Variants in TRPM5 observed in about 807,000 individuals in gnomAD.
TRPM5 encodes the protein MLSN1 and TRP-related.
A neutral mutation model predicts 124.9 loss-of-function variants in TRPM5; 121 were observed. The observed-to-expected ratio is 0.97, with a 90% CI of 0.84 to 1.13. TRPM5 has a LOEUF of 1.13. TRPM5 is among the 50% of genes most tolerant of loss of function. The pLI, the probability that TRPM5 is intolerant of heterozygous loss-of-function variation, is 0.00. For synonymous variants in TRPM5, 781 were observed against 700.5 expected, an observed-to-expected ratio of 1.11 and a Z score of -1.81; for missense variants, 1,643 against 1,589.1, an observed-to-expected ratio of 1.03 and a Z score of -0.58.
exon 19 of TRPM5, chr11:2,407,872 C>T (rs376944357): frequency 2.4e-5 from 39 of 1,613,820 alleles, no homozygotes; most frequent in Non-Finnish European, 3.1e-5. Flanking sequence ...ATGGTGAGTC[C>T]TCCAGCAGCA....
At chr11:2,426,071 C>T (rs1326774412), upstream of TRPM5, among the ~76,000 whole-genome samples, 3 of 152,298 alleles carry the variant, frequency 2.0e-5, no homozygotes, top group African/African-American at 7.2e-5. Context: ...CAGTGCCTCC[C>T]TGACTCTATG....
chr11:2,413,037 G>C (rs771456520), intron 14 of TRPM5, 25 bp from the exon 20 acceptor site: 1 of 1,585,360 alleles, frequency 6.3e-7, no homozygotes, highest in Admixed American at 1.8e-5. Flanking sequence ...AGTTCGCAGT[G>C]GTGAGGCTGG....
chr11:2,424,894 G>A (rs1426416673), upstream of TRPM5, among the ~76,000 whole-genome samples: 2 of 152,204 alleles, frequency 1.3e-5, no homozygotes, highest in Non-Finnish European at 2.9e-5. Context: ...CCCACCCACG[G>A]GCCTCAGCCC....
the TRPM5 span, among the ~76,000 whole-genome samples, chr11:2,438,531 G>C: frequency 6.6e-6 from 1 of 152,144 alleles, no homozygotes; most frequent in Non-Finnish European, 1.5e-5. This position sits in a 1 kb window ranked among gnomAD's most constrained non-coding sequence, Gnocchi z 5.9. Context: ...GCCAGGCATG[G>C]TGGCATATGC....
the TRPM5 span, among the ~76,000 whole-genome samples, chr11:2,434,443 C>CTG: frequency 1.1e-3 from 146 of 131,334 alleles, no homozygotes; most frequent in Middle Eastern, 0.011. Context: ...GTGTGTCCGG[C>CTG]TGTGTGTGTG....
chr11:2,406,656 C>T lies in TRPM5; in HGVS notation c.3251+5G>A, dbSNP rs371080043. ...CCCACCAGTGATCAGGACAGGCCCC[C>T]GCACCTGTGGGCGGTTTTCCGCAGC... On this transcript the variant is annotated splice_donor_5th_base_variant and intron_variant, in intron 21 of 23. Transcript: ENST00000155858. 6.9e-6 allele frequency: 11 copies of T among 1,604,252 alleles called. No homozygotes were observed. The highest frequency in any genetic ancestry group is 2.2e-5 in the East Asian group (1 of 44,870).
chr11:2,407,709 C>G (rs544349386), intron 19 of TRPM5, 50 bp downstream of exon 24: 2 of 1,599,544 alleles, frequency 1.3e-6, no homozygotes, highest in Non-Finnish European at 8.5e-7. Context: ...GAATGACCCT[C>G]TGCTCCCTCC....
At chr11:2,443,747 C>T in the TRPM5 span, among the ~76,000 whole-genome samples, 1 of 152,116 alleles carries the variant, frequency 6.6e-6, no homozygotes, top group Non-Finnish European at 1.5e-5. The surrounding 1 kb of genome is among the most constrained non-coding windows in gnomAD (Gnocchi z 5.0). Context: ...CACCGCTGAG[C>T]TCCACCTTTA....
At chr11:2,411,297 T>C in intron 18 of TRPM5, 55 bp downstream of exon 23, 1 of 1,483,970 alleles carries the variant, frequency 6.7e-7, no homozygotes, top group Non-Finnish European at 9.0e-7. Context: ...CCAGGGCTTG[T>C]GCACACAGGG....
At chr11:2,434,693 G>C in the TRPM5 span, among the ~76,000 whole-genome samples, 1 of 151,716 alleles carries the variant, frequency 6.6e-6, no homozygotes, top group Non-Finnish European at 1.5e-5. Context: ...GCTGCACTGT[G>C]TGTGTGTCTG....
chr11:2,436,512 G>A, the TRPM5 span, among the ~76,000 whole-genome samples: 12 of 152,236 alleles, frequency 7.9e-5, no homozygotes, highest in Non-Finnish European at 1.6e-4. Context: ...GGCCTGCCTG[G>A]GCCCAGGAAA....
At chr11:2,414,987 T>C (rs1850538658) in exon 10 of TRPM5, 1 of 1,606,572 alleles carries the variant, frequency 6.2e-7, no homozygotes, top group African/African-American at 1.3e-5. Context: ...GGGTTCTCGC[T>C]CTTCTGGTTC....
intron 14 of TRPM5, 42 bp from the exon 20 acceptor site, chr11:2,413,054 G>GCCAC (rs1850484842): frequency 2.4e-5 from 38 of 1,562,460 alleles, no homozygotes; most frequent in Non-Finnish European, 3.2e-5. Context: ...CTGGCGCCCA[G>GCCAC]CCGGGTGCCC....
chr11:2,411,858 C>T, intron 16 of TRPM5, 91 bp from the exon 22 acceptor site: 1 of 1,533,706 alleles, frequency 6.5e-7, no homozygotes, highest in Non-Finnish European at 8.9e-7. Context: ...CGGGCAGGGC[C>T]AGGGCCAGGC....
chr11:2,413,255 C>A, intron 13 of TRPM5, 29 bp from the exon 19 acceptor site: 5 of 1,508,898 alleles, frequency 3.3e-6, no homozygotes, highest in Non-Finnish European at 3.5e-6. Context: ...TCAGGGCCCG[C>A]AGGAAGGGCT....
chr11:2,437,579 C>T, the TRPM5 span, among the ~76,000 whole-genome samples: 1 of 152,124 alleles, frequency 6.6e-6, no homozygotes, highest in African/African-American at 2.4e-5. This position sits in a 1 kb window ranked among gnomAD's most constrained non-coding sequence, Gnocchi z 5.6. Flanking sequence ...ACTGAAGGAC[C>T]CTGAGCTAGT....
the TRPM5 span, among the ~76,000 whole-genome samples, chr11:2,435,780 T>C: frequency 6.6e-6 from 1 of 152,326 alleles, no homozygotes; most frequent in Middle Eastern, 3.4e-3. This position sits in a 1 kb window ranked among gnomAD's most constrained non-coding sequence, Gnocchi z 4.1. Flanking sequence ...CATCCATCTG[T>C]CCATCTCTCT....
At chr11:2,413,280 C>A in intron 13 of TRPM5, 54 bp from the exon 19 acceptor site, 10 of 1,470,802 alleles carry the variant, frequency 6.8e-6, no homozygotes, top group Non-Finnish European at 8.2e-6. Context: ...GAGGCGCCTG[C>A]CTGGCTCCAG....
chr11:2,406,565 G>A, intron 21 of TRPM5, 96 bp downstream of exon 26: 1 of 1,483,822 alleles, frequency 6.7e-7, no homozygotes. Flanking sequence ...TTCAGCTTCA[G>A]TTCGCCAGCT....
Sources: allele counts gnomAD v4.1 joint callset (sites outside exome capture counted in the v4.1 genomes callset), GRCh38; gene constraint gnomAD v4.1.1; non-coding constraint Gnocchi (gnomAD v3.1); transcripts MANE v1.5; gene names NCBI Gene and HGNC (gene_info 2026-07-23, HGNC 2026-07-21).